The following XRCC4 variants were observed in gnomAD, a reference collection of about 807,000 sequenced individuals.
XRCC4 encodes DNA repair protein XRCC4.
A neutral mutation model predicts 39.1 loss-of-function variants in XRCC4; 28 were observed. The ratio of observed to expected loss-of-function variants is 0.72; its 90% CI spans 0.53 to 0.98. XRCC4 has a LOEUF of 0.98. XRCC4 is among the 50% of genes least tolerant of loss of function. The probability of loss-of-function intolerance (pLI) is 0.00; values close to 1 mark genes in which losing one functional copy is unlikely to be tolerated. For missense variants in XRCC4, 350 were observed against 376.4 expected (o/e 0.93, Z 0.58); for synonymous variants, 123 against 126.4 (o/e 0.97, Z 0.18).
chr5:83,090,567 A>G (rs1333647690), intron 1 of XRCC4, among the ~76,000 whole-genome samples: 2 of 152,128 alleles, frequency 1.3e-5, no homozygotes, highest in Non-Finnish European at 2.9e-5. Flanking sequence ...ATTTTTATAG[A>G]GCTCAATCTC....
At chr5:83,152,362 G>A (rs977985433) in intron 3 of XRCC4, among the ~76,000 whole-genome samples, 20 of 152,086 alleles carry the variant, frequency 1.3e-4, no homozygotes, top group African/African-American at 4.6e-4. Flanking sequence ...GGCCTGGCAC[G>A]GTGGCTCACG....
intron 7 of XRCC4, among the ~76,000 whole-genome samples, chr5:83,330,199 C>A (rs4703950): frequency 0.24 from 36,892 of 151,708 alleles, 7,502 homozygotes; most frequent in East Asian, 0.71. Flanking sequence ...GGAATTGATC[C>A]ACAGGAACTC....
intron 3 of XRCC4, among the ~76,000 whole-genome samples, chr5:83,157,784 T>G (rs966402485): frequency 2.0e-5 from 3 of 151,910 alleles, no homozygotes; most frequent in Non-Finnish European, 4.4e-5. Flanking sequence ...TTAAGAAAAT[T>G]TGATGATCAA....
intron 7 of XRCC4, among the ~76,000 whole-genome samples, chr5:83,318,068 G>A (rs999769848): frequency 1.4e-5 from 2 of 142,254 alleles, no homozygotes; most frequent in Non-Finnish European, 2.9e-5. Flanking sequence ...ATCAATAAAT[G>A]TAATCCAGCA....
intron 6 of XRCC4, among the ~76,000 whole-genome samples, chr5:83,212,473 A>G (rs1026164932): frequency 9.8e-5 from 15 of 152,304 alleles, no homozygotes; most frequent in African/African-American, 3.4e-4. Context: ...CTTTTGGGAC[A>G]TCACATGTGC....
chr5:83,356,982 A>T (rs151302658), downstream of XRCC4, among the ~76,000 whole-genome samples: 169 of 152,332 alleles, frequency 1.1e-3, 2 homozygotes, highest in African/African-American at 3.9e-3. Flanking sequence ...TTAAAAGGTC[A>T]AGAAACTACT....
chr5:83,093,353 C>T (rs983163219), intron 1 of XRCC4, among the ~76,000 whole-genome samples: 11 of 152,056 alleles, frequency 7.2e-5, no homozygotes, highest in Non-Finnish European at 1.6e-4. Flanking sequence ...GACTGTAATA[C>T]AATAACAGTA....
chr5:83,333,306 G>T (rs1756495023), intron 7 of XRCC4, among the ~76,000 whole-genome samples: 1 of 152,114 alleles, frequency 6.6e-6, no homozygotes, highest in Non-Finnish European at 1.5e-5. Context: ...AAATTAAAAT[G>T]TCAATACCAT....
At chr5:83,157,142 C>T (rs1561369372) in intron 3 of XRCC4, among the ~76,000 whole-genome samples, 2 of 152,080 alleles carry the variant, frequency 1.3e-5, no homozygotes, top group African/African-American at 4.8e-5. Flanking sequence ...CCTTCCTTTG[C>T]TTAGTTGCAA....
Position 83,163,032 on chromosome 5 carries a change from C to T in XRCC4, c.316-32738C>T, listed in dbSNP as rs1383651584. On this transcript the variant is annotated intron_variant, in intron 3 of 7. Transcript: ENST00000396027. ...TGGTGTGATCTCGGCTCACTGCAAC[C>T]TCCACCTCCCAAGTTCAAGCAATTC... Among the ~76,000 whole-genome samples the T allele has an allele frequency of 4.7e-5, 7 of 149,738 alleles. No individual in the cohort carries two copies. The East Asian group carries it at 1.4e-3, about 29-fold the overall frequency.
intron 7 of XRCC4, among the ~76,000 whole-genome samples, chr5:83,263,689 GTTGT>G (rs1292642138): frequency 4.0e-5 from 6 of 151,146 alleles, no homozygotes; most frequent in Admixed American, 3.9e-4. Flanking sequence ...TTTTGATGGG[GTTGT>G]TTGTTTTTTT....
intron 3 of XRCC4, among the ~76,000 whole-genome samples, chr5:83,170,126 CAT>C (rs1749656439): frequency 6.6e-6 from 1 of 152,054 alleles, no homozygotes; most frequent in African/African-American, 2.4e-5. Context: ...TCAGGAATGA[CAT>C]GGCATTTTTC....
intron 3 of XRCC4, among the ~76,000 whole-genome samples, chr5:83,118,119 A>G (rs1746830231): frequency 6.6e-6 from 1 of 151,970 alleles, no homozygotes; most frequent in South Asian, 2.1e-4. Context: ...AATTTGCTAC[A>G]AGTCTCTAGT....
chr5:83,363,825 T>C, the XRCC4 span, among the ~76,000 whole-genome samples: 1 of 152,232 alleles, frequency 6.6e-6, no homozygotes, highest in Non-Finnish European at 1.5e-5. Context: ...TTGACATCTT[T>C]ATTTCCTGCA....
rs185116401 is a variant in XRCC4 at position 83,322,079 on chromosome 5, T to C, written c.894-31052T>C. Reference sequence around the variant, plus strand: ...GTAATGAGCTTGTACTGTTAAGCTGTTTCTTATTTTATGTTCTATGCTTTC... The same window carrying C: ...GTAATGAGCTTGTACTGTTAAGCTGCTTCTTATTTTATGTTCTATGCTTTC... On this transcript the variant is annotated intron_variant, in intron 7 of 7. Coordinates refer to ENST00000396027, the MANE Select transcript of XRCC4 (RefSeq NM_003401.5). 2.1e-3 allele frequency among the ~76,000 whole-genome samples: 322 copies of C among 151,812 alleles called. 3 individuals carry two copies. The Middle Eastern group carries it at 0.041, about 19-fold the overall frequency.
At chr5:83,132,093 C>T (rs772055790) in intron 3 of XRCC4, among the ~76,000 whole-genome samples, 1 of 152,144 alleles carries the variant, frequency 6.6e-6, no homozygotes, top group Admixed American at 6.5e-5. Context: ...CAAAATCTCT[C>T]AGCATTTGCT....
chr5:83,150,040 AAC>A (rs1390053488), intron 3 of XRCC4, among the ~76,000 whole-genome samples: 2 of 152,204 alleles, frequency 1.3e-5, no homozygotes, highest in Non-Finnish European at 2.9e-5. Flanking sequence ...AAGCAGGAAG[AAC>A]ATCCTTTGAA....
At position 83,147,171 on chromosome 5, in the gene XRCC4, C is replaced by T. The variant is rs529422644; in HGVS notation, c.315+35968C>T. 1.1e-4 allele frequency among the ~76,000 whole-genome samples: 16 copies of T among 152,226 alleles called. No individual in the cohort carries two copies. The South Asian group carries it at 3.3e-3, about 32-fold the overall frequency. On this transcript the variant is annotated intron_variant, in intron 3 of 7. Coordinates refer to ENST00000396027, the MANE Select transcript of XRCC4 (RefSeq NM_003401.5). ...GGGTGTGGTGATGGACACCTGTAGT[C>T]CTAGCTATTTGGGAAGCTGAGGTGG... is the stretch of plus-strand genomic sequence containing the variant.
intron 6 of XRCC4, among the ~76,000 whole-genome samples, chr5:83,207,334 T>C (rs1751459097): frequency 7.6e-6 from 1 of 131,278 alleles, no homozygotes; most frequent in African/African-American, 2.6e-5. Context: ...AATTGTACTA[T>C]TTTCAATTTG....
Sources: allele counts gnomAD v4.1 joint callset (sites outside exome capture counted in the v4.1 genomes callset), GRCh38; gene constraint gnomAD v4.1.1; transcripts MANE v1.5; gene names NCBI Gene and HGNC (gene_info 2026-07-23, HGNC 2026-07-21).